The following ARID4B variants were observed in gnomAD, a reference collection of about 807,000 sequenced individuals.
ARID4B encodes AT-rich interaction domain 4B.
ARID4B carries 26 observed loss-of-function variants against 147.5 expected under a neutral mutation model. The ratio of observed to expected loss-of-function variants is 0.18; its 90% confidence interval spans 0.13 to 0.24. The LOEUF (loss-of-function observed/expected upper bound fraction) is 0.24. ARID4B is among the 10% of genes least tolerant of loss of function. ARID4B has a pLI of 1.00. For synonymous variants in ARID4B, 512 were observed against 507.9 expected, an observed-to-expected ratio of 1.01 and a Z score of -0.11; for missense variants, 1,179 against 1,511.5, an observed-to-expected ratio of 0.78 and a Z score of 3.65.
At chr1:235,285,652 T>G (rs1294841235) in intron 2 of ARID4B, among the ~76,000 whole-genome samples, 1 of 152,210 alleles carries the variant, frequency 6.6e-6, no homozygotes, top group East Asian at 1.9e-4. Context: ...TGAAGAATAG[T>G]AGCTGCCTTT....
intron 17 of ARID4B, among the ~76,000 whole-genome samples, chr1:235,202,033 A>T (rs1665973994): frequency 6.7e-6 from 1 of 150,296 alleles, no homozygotes; most frequent in Non-Finnish European, 1.5e-5. Flanking sequence ...TATATACACA[A>T]TATATACATA....
intron 2 of ARID4B, among the ~76,000 whole-genome samples, chr1:235,265,688 C>A (rs1670558634): frequency 7.2e-6 from 1 of 139,776 alleles, no homozygotes; most frequent in Non-Finnish European, 1.5e-5. Context: ...GACACTGAGA[C>A]CTTGTCTCAA....
chr1:235,267,908 A>C (rs1048206967), intron 2 of ARID4B, among the ~76,000 whole-genome samples: 1 of 151,928 alleles, frequency 6.6e-6, no homozygotes, highest in South Asian at 2.1e-4. Flanking sequence ...CTCAAAAAAA[A>C]AAAGAAAAGA....
intron 17 of ARID4B, among the ~76,000 whole-genome samples, chr1:235,210,788 A>G (rs1666665982): frequency 6.6e-6 from 1 of 152,194 alleles, no homozygotes; most frequent in Non-Finnish European, 1.5e-5. Context: ...ACTAGGTCGC[A>G]TTTTCCTCCC....
chr1:235,236,961 C>T (rs1240588319), intron 8 of ARID4B, among the ~76,000 whole-genome samples: 10 of 141,140 alleles, frequency 7.1e-5, no homozygotes, highest in Admixed American at 5.1e-4. Flanking sequence ...CAGCCTCCGC[C>T]TCCCAGGTTC....
At chr1:235,176,707 C>G (rs1202681607) in intron 21 of ARID4B, 1 of 379,570 alleles carries the variant, frequency 2.6e-6, no homozygotes, top group Non-Finnish European at 5.2e-6. Flanking sequence ...CATGGCCTTG[C>G]TGAGCACAGC....
intron 17 of ARID4B, among the ~76,000 whole-genome samples, chr1:235,204,720 C>A (rs1379676508): frequency 6.6e-6 from 1 of 152,122 alleles, no homozygotes; most frequent in Non-Finnish European, 1.5e-5. Flanking sequence ...TTTTTAAATT[C>A]CCCAAAAGTG....
At chr1:235,256,867 C>G (rs1670019246) in intron 4 of ARID4B, among the ~76,000 whole-genome samples, 1 of 151,994 alleles carries the variant, frequency 6.6e-6, no homozygotes, top group South Asian at 2.1e-4. Flanking sequence ...ACTACCATAT[C>G]AAGTATTATT....
chr1:235,237,909 G>A (rs1160666118), intron 8 of ARID4B, among the ~76,000 whole-genome samples: 1 of 152,098 alleles, frequency 6.6e-6, no homozygotes, highest in Non-Finnish European at 1.5e-5. Context: ...CCAACATTTT[G>A]GGAGGCTGAG....
At chr1:235,289,549 C>T (rs1199239046) in intron 2 of ARID4B, among the ~76,000 whole-genome samples, 1 of 151,810 alleles carries the variant, frequency 6.6e-6, no homozygotes, top group Non-Finnish European at 1.5e-5. Flanking sequence ...CATAGTGAGG[C>T]CTTATCTCTA....
chr1:235,171,157 C>T (rs754529111), intron 23 of ARID4B, among the ~76,000 whole-genome samples: 7 of 152,106 alleles, frequency 4.6e-5, no homozygotes, highest in East Asian at 1.9e-4. Flanking sequence ...TTGGGCCAGT[C>T]GCAGTGGCTC....
chr1:235,224,070 T>A (rs190660926), intron 12 of ARID4B, among the ~76,000 whole-genome samples: 132 of 152,318 alleles, frequency 8.7e-4, no homozygotes, highest in Admixed American at 1.8e-3. Flanking sequence ...TTTCTACTCA[T>A]CAGCATTACA....
At chr1:235,275,424 A>C (rs1671258964) in intron 2 of ARID4B, among the ~76,000 whole-genome samples, 2 of 152,174 alleles carry the variant, frequency 1.3e-5, no homozygotes, top group African/African-American at 4.8e-5. Flanking sequence ...CAGTCTGCTG[A>C]GAGGAAGTAA....
At chr1:235,220,879 A>G (rs1027466801) in intron 14 of ARID4B, among the ~76,000 whole-genome samples, 2 of 129,692 alleles carry the variant, frequency 1.5e-5, no homozygotes, top group African/African-American at 5.8e-5. Flanking sequence ...ACACAGCAGC[A>G]TCCTTTTTTT....
chr1:235,327,063 G>T, intron 1 of ARID4B, 95 bp from the exon 2 acceptor site: 1 of 841,506 alleles, frequency 1.2e-6, no homozygotes. Context: ...TCCGAACCCC[G>T]AAGAAAGAGC....
At chr1:235,298,511 A>G (rs1672904938) in intron 2 of ARID4B, among the ~76,000 whole-genome samples, 1 of 148,562 alleles carries the variant, frequency 6.7e-6, no homozygotes, top group African/African-American at 2.4e-5. Context: ...CATATATATG[A>G]ATATAACGTA....
intron 18 of ARID4B, 30 bp downstream of exon 18, chr1:235,196,001 T>C: frequency 7.4e-7 from 1 of 1,353,658 alleles, no homozygotes; most frequent in Non-Finnish European, 1.0e-6. Flanking sequence ...TTTTAAGAGC[T>C]AATAGTGTGT....
chr1:235,239,479 A>G (rs1305246311), intron 8 of ARID4B, among the ~76,000 whole-genome samples: 2 of 152,196 alleles, frequency 1.3e-5, no homozygotes, highest in African/African-American at 4.8e-5. Context: ...TTGTCTACCA[A>G]AAGATTATTT....
chr1:235,173,805 TATATA>T (rs1663630470), intron 22 of ARID4B, among the ~76,000 whole-genome samples: 1 of 76,608 alleles, frequency 1.3e-5, no homozygotes, highest in African/African-American at 5.7e-5. Context: ...TATATATATA[TATATA>T]TATGTATACC....
Sources: allele counts gnomAD v4.1 joint callset (sites outside exome capture counted in the v4.1 genomes callset), GRCh38; gene constraint gnomAD v4.1.1; transcripts MANE v1.5; gene names NCBI Gene and HGNC (gene_info 2026-07-23, HGNC 2026-07-21).